The following PRSS23 variants were observed in gnomAD, a reference collection of about 807,000 sequenced individuals.
PRSS23 encodes the protein protease, serine 23.
Under a neutral mutation model 34.7 loss-of-function variants are expected in PRSS23, and 25 were observed. The observed-to-expected ratio is 0.72, with a 90% confidence interval of 0.53 to 1.01. The LOEUF is 1.01. Among genes scored for constraint, PRSS23 ranks in the 50% least tolerant of loss-of-function variants. The probability of loss-of-function intolerance (pLI) is 0.00; values close to 1 mark genes in which losing one functional copy is unlikely to be tolerated. For synonymous variants in PRSS23, 176 were observed against 186.6 expected, an observed-to-expected ratio of 0.94 and a Z score of 0.46; for missense variants, 445 against 475.6, an observed-to-expected ratio of 0.94 and a Z score of 0.60.
chr11:86,799,805 G>C (rs1184455264), upstream of PRSS23, among the ~76,000 whole-genome samples: 3 of 152,092 alleles, frequency 2.0e-5, no homozygotes, highest in Non-Finnish European at 2.9e-5. Flanking sequence ...ATGAAGAACT[G>C]AGGCCAGTGG....
chr11:86,796,852 T>G (rs150401886), upstream of PRSS23, among the ~76,000 whole-genome samples: 181 of 152,312 alleles, frequency 1.2e-3, 1 homozygote, highest in South Asian at 0.013. Flanking sequence ...AATGTCCAGA[T>G]TTTTATGCTT....
At chr11:86,930,948 A>C (rs1056680700) in intron 2 of PRSS23, among the ~76,000 whole-genome samples, 1 of 152,210 alleles carries the variant, frequency 6.6e-6, no homozygotes, top group South Asian at 2.1e-4. Flanking sequence ...GAGTAGCCAA[A>C]GCTAAAAGGA....
chr11:86,943,002 T>C (rs773555200), intron 2 of PRSS23, among the ~76,000 whole-genome samples: 1 of 152,198 alleles, frequency 6.6e-6, no homozygotes, highest in Non-Finnish European at 1.5e-5. Flanking sequence ...TATAATTGCA[T>C]GTGAAAGCTA....
chr11:86,939,131 G>T, intron 2 of PRSS23: 1 of 394,760 alleles, frequency 2.5e-6, no homozygotes, highest in Non-Finnish European at 5.0e-6. Flanking sequence ...AAACACGTAA[G>T]GGAAACGTTT....
rs555687278 is a variant in PRSS23 at position 86,906,939 on chromosome 11, G to A, written c.207-44277G>A. Among the ~76,000 whole-genome samples the A allele has an allele frequency of 3.2e-4, 49 of 151,990 alleles. No individual in the cohort carries two copies. The South Asian group carries it at 9.8e-3, about 30-fold the overall frequency. On this transcript the variant is annotated intron_variant, in intron 2 of 2. Transcript: ENST00000533902. The stretch of plus-strand genomic sequence containing the variant: ...GGAGAGGTTTCCATCCATTTTACCC[G>A]GTGATAGATTCCGGCTGATGTCAGG...
At chr11:86,862,616 T>C (rs957727991) in intron 2 of PRSS23, among the ~76,000 whole-genome samples, 5 of 151,880 alleles carry the variant, frequency 3.3e-5, no homozygotes, top group Non-Finnish European at 5.9e-5. Context: ...CCTGTAATAG[T>C]ATTTGTAATA....
At chr11:86,862,551 A>G (rs907372377) in intron 2 of PRSS23, among the ~76,000 whole-genome samples, 1 of 151,924 alleles carries the variant, frequency 6.6e-6, no homozygotes, top group Non-Finnish European at 1.5e-5. Context: ...ACAGCGTGAT[A>G]TTATTCCCAA....
chr11:86,845,120 G>T, intron 2 of PRSS23, among the ~76,000 whole-genome samples: 1 of 151,110 alleles, frequency 6.6e-6, no homozygotes, highest in East Asian at 1.9e-4. Flanking sequence ...TAAGTAAGTC[G>T]AAGTCACACT....
chr11:86,944,266 T>C (rs996528720), intron 2 of PRSS23, among the ~76,000 whole-genome samples: 1 of 151,580 alleles, frequency 6.6e-6, no homozygotes, highest in African/African-American at 2.4e-5. Flanking sequence ...TCCCAGTTTT[T>C]ATAAGGATAC....
intron 2 of PRSS23, among the ~76,000 whole-genome samples, chr11:86,873,188 A>G (rs1193582133): frequency 1.9e-5 from 2 of 104,270 alleles, no homozygotes; most frequent in Non-Finnish European, 3.8e-5. Context: ...TTATATATAT[A>G]CATATATATA....
intron 2 of PRSS23, chr11:86,946,943 C>A (rs910066522): frequency 1.3e-5 from 2 of 152,400 alleles, no homozygotes; most frequent in African/African-American, 4.8e-5. Context: ...TGGTGGCTCA[C>A]ACTTGTAATC....
intron 1 of PRSS23, among the ~76,000 whole-genome samples, chr11:86,792,246 T>A (rs1590862752): frequency 6.6e-6 from 1 of 152,084 alleles, no homozygotes; most frequent in African/African-American, 2.4e-5. Context: ...CTTTCCAACT[T>A]CCTCCGTCCT....
At chr11:86,830,476 C>T (rs1272356143) in intron 2 of PRSS23, among the ~76,000 whole-genome samples, 11 of 152,108 alleles carry the variant, frequency 7.2e-5, no homozygotes, top group Non-Finnish European at 1.2e-4. Context: ...TGCTTCAGCT[C>T]GCACATGGTG....
Position 86,934,944 on chromosome 11 carries a change from T to C in PRSS23, c.207-16272T>C, listed in dbSNP as rs1590934855. On this transcript the variant is annotated intron_variant, in intron 2 of 2. Transcript: ENST00000533902. Reference sequence around the variant, plus strand: ...AGCCACAAGTATATTCTAGCTCCAATGACCATTCTTCCCTTTTGATTTTTG... The same window carrying C: ...AGCCACAAGTATATTCTAGCTCCAACGACCATTCTTCCCTTTTGATTTTTG... 3 of 152,376 alleles carry C rather than the reference T, an allele frequency of 2.0e-5. No individual in the cohort carries two copies. In the East Asian group the frequency reaches 5.8e-4, roughly 29 times the overall value. 9.4% of individuals were successfully genotyped at this position (152,376 alleles called of 1,614,324 possible).
chr11:86,792,498 T>C (rs138706761), intron 1 of PRSS23, among the ~76,000 whole-genome samples: 30 of 152,298 alleles, frequency 2.0e-4, no homozygotes, highest in Non-Finnish European at 3.8e-4. Context: ...AGTATCATCA[T>C]TTGAACCAAT....
intron 2 of PRSS23, among the ~76,000 whole-genome samples, chr11:86,932,227 G>T: frequency 6.6e-6 from 1 of 152,176 alleles, no homozygotes; most frequent in East Asian, 1.9e-4. Context: ...AAAAAGCAGG[G>T]GAGGGGCAGG....
intron 1 of PRSS23, among the ~76,000 whole-genome samples, chr11:86,807,296 A>C (rs1948112374): frequency 6.6e-6 from 1 of 152,166 alleles, no homozygotes. Context: ...AGGGCTCAAA[A>C]TTACGTGGAA....
At chr11:86,871,858 T>C (rs1012287850) in intron 2 of PRSS23, among the ~76,000 whole-genome samples, 4 of 152,038 alleles carry the variant, frequency 2.6e-5, no homozygotes, top group Non-Finnish European at 5.9e-5. Flanking sequence ...GGCAGAAGGG[T>C]CAACATGTAC....
At position 86,895,684 on chromosome 11, in the gene PRSS23, T is replaced by C. The variant is rs143220803; in HGVS notation, c.207-55532T>C. ...CTATAGAGATGGGGTTTCACCATGT[T>C]GCCCAGGCTGCTCTCGAACTCCTGG... is the stretch of plus-strand genomic sequence containing the variant. On this transcript the variant is annotated intron_variant, in intron 2 of 2. Coordinates refer to the PRSS23 transcript ENST00000533902. 3.2e-4 allele frequency among the ~76,000 whole-genome samples: 48 copies of C among 152,220 alleles called. 1 individual carries two copies. In the East Asian group the frequency reaches 8.7e-3, roughly 28 times the overall value.
Sources: gnomAD v4.1 joint callset for allele counts (sites outside exome capture counted in the v4.1 genomes callset) on GRCh38, gnomAD v4.1.1 for gene constraint, MANE v1.5 for transcripts, NCBI Gene and HGNC (gene_info 2026-07-23, HGNC 2026-07-21) for gene names.